The following GLB1L3 variants were observed in gnomAD, a reference collection of about 807,000 sequenced individuals.
The protein encoded by GLB1L3 is beta-galactosidase-1-like protein 3.
Under a neutral mutation model 89.5 loss-of-function variants are expected in GLB1L3, and 89 were observed. The observed-to-expected ratio is 0.99, with a 90% CI of 0.84 to 1.19. The LOEUF is 1.19. Ranked by LOEUF, GLB1L3 falls within the 50% of genes most tolerant of loss-of-function variation. GLB1L3 has a pLI of 0.00. For missense variants in GLB1L3, 812 were observed against 813.3 expected, an observed-to-expected ratio of 1.00 and a Z score of 0.02; for synonymous variants, 314 against 312.3, an observed-to-expected ratio of 1.01 and a Z score of -0.06.
At chr11:134,323,210 T>G (rs946133401), downstream of GLB1L3, among the ~76,000 whole-genome samples, 12 of 152,166 alleles carry the variant, frequency 7.9e-5, no homozygotes, top group Non-Finnish European at 1.8e-4. Context: ...AATGAAGTCA[T>G]GCAATTGGAC....
intron 9 of GLB1L3, among the ~76,000 whole-genome samples, chr11:134,300,223 C>G (rs906406721): frequency 6.6e-6 from 1 of 152,092 alleles, no homozygotes; most frequent in African/African-American, 2.4e-5. Context: ...GCTGTCTTCT[C>G]CTCCCTGTGC....
rs192441516 is a variant in GLB1L3, at chr11:134,304,989, C to T, written c.877-2135C>T. Reference sequence around the variant, plus strand: ...CTCAAGAGAAGTTGCTGTGAGAGCCCGCATGCGACTGCGCTAACAATGTAT... The same window carrying T: ...CTCAAGAGAAGTTGCTGTGAGAGCCTGCATGCGACTGCGCTAACAATGTAT... On this transcript the variant is annotated intron_variant, in intron 9 of 19. Coordinates refer to ENST00000431683, the MANE Select transcript of GLB1L3 (RefSeq NM_001080407.3). 5.1e-4 allele frequency: 474 copies of T among 935,450 alleles called. 1 individual carries two copies. Among genetic ancestry groups the T allele is most frequent in the Admixed American group, 6.3e-4 (19 of 30,332 alleles). 57.9% of individuals were successfully genotyped at this position (935,450 alleles called of 1,614,324 possible).
chr11:134,298,382 A>G (rs1941768415), intron 9 of GLB1L3, among the ~76,000 whole-genome samples: 3 of 152,206 alleles, frequency 2.0e-5, no homozygotes, highest in African/African-American at 7.2e-5. Flanking sequence ...CCAAAGACCA[A>G]TTTCCCTTAT....
Position 134,312,462 on chromosome 11 carries a change from C to G in GLB1L3, c.1401C>G (p.Leu467=), listed in dbSNP as rs761309659. 1.2e-6 allele frequency: 2 copies of G among 1,613,082 alleles called. No homozygotes were observed. The highest frequency in any genetic ancestry group is 1.7e-6 in the Non-Finnish European group (2 of 1,179,888). Residue 467 remains leucine, a synonymous_variant, in exon 14 of 20, where the codon CTC becomes CTG. Coordinates refer to ENST00000431683, the MANE Select transcript of GLB1L3 (RefSeq NM_001080407.3). ...YEKSICSGGR[L]RAHAHDVAQV... ...AGTCCATCTGCTCCGGAGGCCGCCT[C>G]CGTGCCCACGCTCATGACGTGGCAC...
intron 9 of GLB1L3, 115 bp downstream of exon 9, chr11:134,293,324 C>G: frequency 1.2e-6 from 1 of 866,980 alleles, no homozygotes; most frequent in Non-Finnish European, 1.8e-6. Flanking sequence ...GGTTTTCACC[C>G]TGGGTCCTCG....
chr11:134,308,196 TCACCACTAC>T (rs1942315574), intron 10 of GLB1L3, among the ~76,000 whole-genome samples: 4 of 68,868 alleles, frequency 5.8e-5, no homozygotes, highest in African/African-American at 1.7e-4. Flanking sequence ...ATCATCACCA[TCACCACTAC>T]CACCACCACC....
intron 8 of GLB1L3, 147 bp from the exon 9 acceptor site, chr11:134,292,998 G>A: frequency 1.5e-6 from 1 of 687,348 alleles, no homozygotes; most frequent in Non-Finnish European, 2.6e-6. Flanking sequence ...CTTTGGATGT[G>A]GCAGAGTGGG....
chr11:134,292,303 C>T, intron 8 of GLB1L3, 90 bp downstream of exon 8: 1 of 828,098 alleles, frequency 1.2e-6, no homozygotes, highest in South Asian at 1.5e-5. Context: ...CCAAGTGCAT[C>T]TCGATACCTC....
downstream of GLB1L3, among the ~76,000 whole-genome samples, chr11:134,323,035 A>AAGGTATT (rs1943185106): frequency 6.6e-6 from 1 of 152,184 alleles, no homozygotes; most frequent in Admixed American, 6.5e-5. Context: ...TCCCACCAAC[A>AAGGTATT]AGGTATTAGG....
intron 10 of GLB1L3, among the ~76,000 whole-genome samples, chr11:134,308,404 T>TCACCAC (rs1334704618): frequency 3.1e-5 from 1 of 32,134 alleles, no homozygotes; most frequent in South Asian, 8.7e-4. Context: ...ACCATCACCA[T>TCACCAC]CACCACCACC....
chr11:134,299,980 C>T (rs957772911), intron 9 of GLB1L3, among the ~76,000 whole-genome samples: 12 of 152,168 alleles, frequency 7.9e-5, no homozygotes, highest in African/African-American at 2.4e-4. Flanking sequence ...CTTTTGTTCC[C>T]TAGAGAAGAT....
chr11:134,305,233 G>A (rs549742852), intron 9 of GLB1L3: 16 of 793,476 alleles, frequency 2.0e-5, no homozygotes, highest in African/African-American at 1.4e-4. Context: ...CTGATGCACT[G>A]AATTATGTAA....
chr11:134,289,333 G>T (rs367545736), intron 7 of GLB1L3, among the ~76,000 whole-genome samples: 4 of 151,992 alleles, frequency 2.6e-5, no homozygotes, highest in African/African-American at 9.7e-5. Context: ...AGGAGGAAGA[G>T]GTGGAGGAGG....
rs905158963 is a variant in GLB1L3 at position 134,318,740 on chromosome 11, A to T, written c.1889A>T (p.Asp630Val). 6.3e-7 allele frequency: 1 copy of T among 1,598,332 alleles called. No individual in the cohort carries two copies. The highest frequency in any genetic ancestry group is 8.6e-7 in the Non-Finnish European group (1 of 1,166,296). The change falls in exon 19 of 20, where the codon GAC becomes GTC. Residue 630 changes from aspartate to valine, a missense_variant. Asp to Val is a radical substitution (Grantham distance 152). Around this residue, in one of 3 missense-constraint regions of GLB1L3, gnomAD observed 618 missense variants for 604.0 expected, o/e 1.02. Coordinates refer to ENST00000431683, the MANE Select transcript of GLB1L3 (RefSeq NM_001080407.3). ...CCTGGAGTTTGGCTTCATCCAGAAGACAATGAGGTATGTCACTCCAGTCTC... is the reference window on the plus strand; with the variant it reads ...CCTGGAGTTTGGCTTCATCCAGAAGTCAATGAGGTATGTCACTCCAGTCTC... The part of the protein sequence containing the change: ...YLPGVWLHPE[D>V]NEVILFEKMM...
chr11:134,288,878 G>GT lies in GLB1L3; in HGVS notation c.718dup (p.Tyr240LeufsTer19). 1 of 1,610,600 alleles carries GT rather than the reference G, an allele frequency of 6.2e-7. No individual in the cohort carries two copies. The highest frequency in any genetic ancestry group is 8.5e-7 in the Non-Finnish European group (1 of 1,177,778). On this transcript the variant is annotated frameshift_variant, in exon 7 of 20. Transcript: ENST00000431683. LOFTEE classifies it high-confidence loss of function. ...TCAATAAGGATAAAACATACATGCC[G>GT]TATCTCCACAAGGTAAGAGGGCCTT... is the stretch of plus-strand genomic sequence containing the variant.
chr11:134,321,624 A>G (rs1463726014), downstream of GLB1L3, among the ~76,000 whole-genome samples: 1 of 152,192 alleles, frequency 6.6e-6, no homozygotes, highest in African/African-American at 2.4e-5. Context: ...TTGTAGGGAC[A>G]TGGATGAAGC....
chr11:134,294,132 T>A (rs929729877), intron 9 of GLB1L3, among the ~76,000 whole-genome samples: 2 of 152,034 alleles, frequency 1.3e-5, no homozygotes, highest in African/African-American at 4.8e-5. Flanking sequence ...AATGGTATGA[T>A]CTCGGTTCAC....
At chr11:134,321,971 A>T (rs991305988), downstream of GLB1L3, among the ~76,000 whole-genome samples, 7 of 152,204 alleles carry the variant, frequency 4.6e-5, no homozygotes, top group Non-Finnish European at 8.8e-5. Context: ...ATAAATACAG[A>T]TATATCAGCA....
chr11:134,308,416 CCATCATCACCAT>C (rs772300080), intron 10 of GLB1L3, among the ~76,000 whole-genome samples: 31 of 98,400 alleles, frequency 3.2e-4, no homozygotes, highest in Non-Finnish European at 4.6e-4. Context: ...ACCACCACCA[CCATCATCACCAT>C]CACCACCACC....
Sources: gnomAD v4.1 joint callset for allele counts (sites outside exome capture counted in the v4.1 genomes callset) on GRCh38, gnomAD v4.1.1 for gene constraint, gnomAD v4.1.1 regional missense constraint, MANE v1.5 for transcripts, NCBI Gene and HGNC (gene_info 2026-07-23, HGNC 2026-07-21) for gene names.